DNAH17: variants seen among roughly 807,000 people sequenced by gnomAD.
DNAH17 encodes dynein axonemal heavy chain 17.
In DNAH17, 376 loss-of-function variants were observed where a neutral mutation model predicts 485.6. The ratio of observed to expected loss-of-function variants is 0.77; its 90% CI spans 0.71 to 0.84. The LOEUF is 0.84. DNAH17 is among the 40% of genes least tolerant of loss of function. DNAH17 has a pLI of 0.00. For synonymous variants in DNAH17, 3,031 were observed against 2,405.9 expected, an observed-to-expected ratio of 1.26 and a Z score of -7.60; for missense variants, 6,370 against 5,839.3, an observed-to-expected ratio of 1.09 and a Z score of -2.96.
At position 78,574,829 on chromosome 17, in the gene DNAH17, C is replaced by T. The variant is rs966749467; in HGVS notation, c.229G>A (p.Val77Ile). 5 of 1,613,988 alleles carry T rather than the reference C, an allele frequency of 3.1e-6. No individual in the cohort carries two copies. Among genetic ancestry groups the T allele is most frequent in the Non-Finnish European group, 3.4e-6 (4 of 1,179,880 alleles). ...TCGGACTTTGTCTTGATGAAGTAAA[C>T]CCCTTTGGACTTGAGGGACTGGGGG... ...GFPQSLKSKG[V>I]YFIKTKSENI... Residue 77 changes from valine (V) to isoleucine (I), a missense_variant, in exon 2 of 81, where the codon GTT (valine) becomes ATT (isoleucine). Physicochemically the swap from Val to Ile is conservative, Grantham distance 29. Coordinates refer to ENST00000389840, the MANE Select transcript of DNAH17 (RefSeq NM_173628.4).
At chr17:78,568,911 T>C (rs1331926471) in intron 9 of DNAH17, among the ~76,000 whole-genome samples, 2 of 152,244 alleles carry the variant, frequency 1.3e-5, no homozygotes, top group African/African-American at 4.8e-5. Flanking sequence ...AACTTATCAG[T>C]AACCCGCTCA....
rs372949437 is a variant in DNAH17, at chr17:78,450,482, C to G, written c.10900-88G>C. 1.8e-5 allele frequency: 27 copies of G among 1,537,742 alleles called. 1 individual carries two copies. The highest frequency in any genetic ancestry group is 1.2e-4 in the East Asian group (5 of 42,698). On this transcript the variant is annotated intron_variant, in intron 67 of 80. Transcript: ENST00000389840. Reference sequence around the variant, plus strand: ...CTCATTCCCAGCCACCAGCCTCGCTCCCTGGGAAGCCACCCAAGGGCTCTC... The same window carrying G: ...CTCATTCCCAGCCACCAGCCTCGCTGCCTGGGAAGCCACCCAAGGGCTCTC...
At chr17:78,454,390 C>T in intron 64 of DNAH17, 80 bp downstream of exon 64, 1 of 1,090,756 alleles carries the variant, frequency 9.2e-7, no homozygotes, top group Non-Finnish European at 1.3e-6. Context: ...ACCCACCCAT[C>T]CATTGAACCA....
chr17:78,459,757 C>T (rs367972744), intron 60 of DNAH17, 27 bp downstream of exon 60: 44 of 1,611,924 alleles, frequency 2.7e-5, no homozygotes, highest in South Asian at 8.8e-5. Flanking sequence ...AGGGAAGCCC[C>T]GGCTACGAGG....
At chr17:78,571,455 G>T in intron 4 of DNAH17, 77 bp from the exon 5 acceptor site, 1 of 1,476,868 alleles carries the variant, frequency 6.8e-7, no homozygotes, top group Non-Finnish European at 9.4e-7. Flanking sequence ...CTTGTGGCTG[G>T]CTGGAGCTGC....
intron 44 of DNAH17, among the ~76,000 whole-genome samples, chr17:78,487,793 G>A (rs2089676797): frequency 6.6e-6 from 1 of 152,174 alleles, no homozygotes; most frequent in African/African-American, 2.4e-5. Flanking sequence ...CCAAAGTGCT[G>A]CGATTACAGA....
At position 78,466,668 on chromosome 17, in the gene DNAH17, G is replaced by A. The variant is rs1472768520; in HGVS notation, c.8927C>T (p.Thr2976Ile). The A allele has an allele frequency of 1.2e-6, 2 of 1,610,162 alleles. No homozygotes were observed. Among genetic ancestry groups the A allele is most frequent in the Non-Finnish European group, 1.7e-6 (2 of 1,178,424 alleles). ...TCAGTGACTCACCGGAATCCCCTCA[G>A]TCTCCTCCAGGAAGCGGGCGCTGAC... ...VSVSARFLEETEGIPWEVKAS... is the reference protein window; with the variant it reads ...VSVSARFLEEIEGIPWEVKAS... The change falls in exon 56 of 81, where the codon ACT becomes ATT. Residue 2976 changes from threonine (T) to isoleucine (I), a missense_variant. Physicochemically the swap from Thr to Ile is moderately conservative, Grantham distance 89. Transcript: ENST00000389840.
chr17:78,575,595 C>G (rs552803823), intron 1 of DNAH17, among the ~76,000 whole-genome samples: 1 of 152,288 alleles, frequency 6.6e-6, no homozygotes, highest in East Asian at 1.9e-4. Flanking sequence ...CCGTGGTGCA[C>G]CTTAACTTTC....
chr17:78,516,371 G>A (rs2090778417), intron 25 of DNAH17, among the ~76,000 whole-genome samples: 1 of 152,188 alleles, frequency 6.6e-6, no homozygotes, highest in South Asian at 2.1e-4. Context: ...TGCCTGCTAT[G>A]TTCTGTAATG....
chr17:78,473,938 G>T (rs890666092), intron 54 of DNAH17, among the ~76,000 whole-genome samples: 1 of 152,170 alleles, frequency 6.6e-6, no homozygotes, highest in African/African-American at 2.4e-5. Context: ...CCGCTCATGG[G>T]TCCAGAGGAC....
rs74001322 is a variant in DNAH17 at position 78,430,381 on chromosome 17, C to T, written c.12226-1081G>A. Among the ~76,000 whole-genome samples the T allele has an allele frequency of 9.2e-3, 1,406 of 152,312 alleles. 23 individuals carry two copies. The highest frequency in any genetic ancestry group is 0.032 in the African/African-American group (1,340 of 41,570). On this transcript the variant is annotated intron_variant, in intron 75 of 80. Transcript: ENST00000389840. ...TCCTGCCGCTCACAGTCAGCTTCTTCCTGCTTCCGCACACCTGTTCTTTCC... is the reference window on the plus strand; with the variant it reads ...TCCTGCCGCTCACAGTCAGCTTCTTTCTGCTTCCGCACACCTGTTCTTTCC...
Position 78,426,984 on chromosome 17 carries a change from A to C in DNAH17, c.12713T>G (p.Met4238Arg), listed in dbSNP as rs773086862. 3.0e-5 allele frequency: 48 copies of C among 1,610,476 alleles called. No homozygotes were observed. The highest frequency in any genetic ancestry group is 4.1e-5 in the Non-Finnish European group (48 of 1,178,430). ...VVVAFQECER[M>R]NILTNEMRRS... ...GCGCATTTCGTTGGTCAGGATGTTC[A>C]TTCTTTCACATTCTTGAAAGGCGAC... Residue 4238 changes from methionine (M) to arginine (R), a missense_variant, in exon 78 of 81, where the codon ATG becomes AGG. By Grantham distance (91) the Met-to-Arg change is moderately conservative. Transcript: ENST00000389840.
intron 72 of DNAH17, among the ~76,000 whole-genome samples, chr17:78,440,792 A>C (rs2087044080): frequency 6.6e-6 from 1 of 152,182 alleles, no homozygotes; most frequent in Non-Finnish European, 1.5e-5. Flanking sequence ...TCTATATGTA[A>C]CTTACTGAGA....
intron 74 of DNAH17, 62 bp from the exon 75 acceptor site, chr17:78,434,282 C>G: frequency 6.6e-7 from 1 of 1,507,082 alleles, no homozygotes; most frequent in Non-Finnish European, 9.0e-7. Flanking sequence ...AGAAATGCCC[C>G]TGAGGGTGAC....
intron 25 of DNAH17, among the ~76,000 whole-genome samples, chr17:78,518,273 G>A (rs1035904608): frequency 1.3e-5 from 2 of 152,286 alleles, no homozygotes; most frequent in Admixed American, 6.5e-5. Context: ...AAAAATATAG[G>A]TAGCTTGAAA....
At chr17:78,501,968 A>G in intron 33 of DNAH17, 95 bp from the exon 34 acceptor site, 1 of 1,525,564 alleles carries the variant, frequency 6.6e-7, no homozygotes, top group East Asian at 2.3e-5. Flanking sequence ...AGGGAACACC[A>G]CCATGCTTTT....
intron 74 of DNAH17, among the ~76,000 whole-genome samples, chr17:78,435,630 A>G (rs1265670136): frequency 6.6e-6 from 1 of 152,154 alleles, no homozygotes; most frequent in Non-Finnish European, 1.5e-5. Context: ...AATAAAACGA[A>G]ACACCAAAGG....
At position 78,530,302 on chromosome 17, in the gene DNAH17, C is replaced by A. The variant is rs151236928; in HGVS notation, c.3284+41G>T. The A allele has an allele frequency of 3.2e-4, 504 of 1,562,340 alleles. 2 individuals carry two copies. The African/African-American group carries it at 6.0e-3, about 18-fold the overall frequency. On this transcript the variant is annotated intron_variant, in intron 21 of 80. Coordinates refer to ENST00000389840, the MANE Select transcript of DNAH17 (RefSeq NM_173628.4). Reference sequence around the variant, plus strand: ...TGGAAGGCCACTCCCTGGTGCTCTGCACATTCCTTGGGCTCCCCGAGTACA... The same window carrying A: ...TGGAAGGCCACTCCCTGGTGCTCTGAACATTCCTTGGGCTCCCCGAGTACA...
rs777912933 is a variant in DNAH17, at chr17:78,486,332, G to A, written c.6993C>T (p.Cys2331=). The change falls in exon 45 of 81, where the codon TGC becomes TGT. Residue 2331 remains cysteine, a synonymous_variant. Coordinates refer to ENST00000389840, the MANE Select transcript of DNAH17 (RefSeq NM_173628.4). ...VIQTILYLLE[C]LLTEKTVPPD... ...GGGGCACGGTCTTCTCCGTGAGCAGGCACTCCAGCAGGTACAGAATCGTTT... is the reference window on the plus strand; with the variant it reads ...GGGGCACGGTCTTCTCCGTGAGCAGACACTCCAGCAGGTACAGAATCGTTT... The A allele has an allele frequency of 6.2e-7, 1 of 1,613,752 alleles. No homozygotes were observed.
Sources: gnomAD v4.1 joint callset for allele counts (sites outside exome capture counted in the v4.1 genomes callset) on GRCh38, gnomAD v4.1.1 for gene constraint, MANE v1.5 for transcripts, NCBI Gene and HGNC (gene_info 2026-07-23, HGNC 2026-07-21) for gene names.